CYFIP1: variants seen among roughly 807,000 people sequenced by gnomAD.
CYFIP1 encodes the protein cytoplasmic FMR1 interacting protein 1, also known as cytoplasmic FMR1-interacting protein 1.
A neutral mutation model predicts 163.5 loss-of-function variants in CYFIP1; 58 were observed. The observed-to-expected ratio is 0.35, with a 90% CI of 0.29 to 0.44. The LOEUF (loss-of-function observed/expected upper bound fraction) is 0.44, where lower values mean the gene tolerates loss of function less well. Ranked by LOEUF, CYFIP1 falls within the 20% of genes least tolerant of loss-of-function variation. The pLI, the probability that CYFIP1 is intolerant of heterozygous loss-of-function variation, is 1.00. For missense variants in CYFIP1, 1,338 were observed against 1,653.8 expected (o/e 0.81, Z 3.31); for synonymous variants, 663 against 660.7 (o/e 1.00, Z -0.05).
chr15:22,911,973 C>T (rs552199496), intron 18 of CYFIP1, among the ~76,000 whole-genome samples: 8 of 152,246 alleles, frequency 5.3e-5, no homozygotes, highest in East Asian at 3.9e-4. Context: ...ACACAGACAC[C>T]GCAGTGACAC....
At chr15:22,883,130 C>T in intron 23 of CYFIP1, 119 bp from the exon 24 acceptor site, 1 of 1,184,796 alleles carries the variant, frequency 8.4e-7, no homozygotes, top group Non-Finnish European at 1.2e-6. Context: ...AGTCTACTGA[C>T]TTGTAAAATC....
rs199514329 is a variant in CYFIP1, at chr15:22,905,761, T to TG, written c.2389-1857_2389-1856insC. Among the ~76,000 whole-genome samples, 343 of 151,650 alleles carry TG rather than the reference T, an allele frequency of 2.3e-3. 1 individual carries two copies. The highest frequency in any genetic ancestry group is 6.6e-3 in the East Asian group (34 of 5,128). ...AGCCTTCATTCTTATTTCTGTTTTT[T>TG]TTTTTGTTTTTGTTTTGAGACGGAG... On this transcript the variant is annotated intron_variant, in intron 21 of 30. Coordinates refer to ENST00000617928, the MANE Select transcript of CYFIP1 (RefSeq NM_014608.6).
rs113869401 is a variant in CYFIP1 at position 22,906,559 on chromosome 15, G to A, written c.2388+2635C>T. ...CGGCTCACTGCAACCTCCGCCTCCC[G>A]GGTTCACGCCATTCTCCTGCCTCAG... On this transcript the variant is annotated intron_variant, in intron 21 of 30. Transcript: ENST00000617928. Among the ~76,000 whole-genome samples the A allele has an allele frequency of 1.7e-4, 25 of 150,380 alleles. No individual in the cohort carries two copies. The East Asian group carries it at 3.3e-3, about 20-fold the overall frequency.
intron 26 of CYFIP1, 52 bp downstream of exon 26, chr15:22,879,861 G>T: frequency 7.2e-7 from 1 of 1,391,004 alleles, no homozygotes; most frequent in Non-Finnish European, 9.9e-7. Flanking sequence ...GGCCGGTGGG[G>T]TGGGGTGGGG....
intron 22 of CYFIP1, among the ~76,000 whole-genome samples, chr15:22,902,999 G>A (rs1421801281): frequency 6.6e-6 from 1 of 152,208 alleles, no homozygotes; most frequent in Non-Finnish European, 1.5e-5. Flanking sequence ...GAGATCAGAG[G>A]CAAGCACAAG....
intron 26 of CYFIP1, among the ~76,000 whole-genome samples, chr15:22,879,027 T>C (rs564831379): frequency 2.6e-5 from 4 of 152,044 alleles, no homozygotes; most frequent in Middle Eastern, 3.4e-3. Context: ...TCCCAGCTAC[T>C]TCTGAGGCGG....
chr15:22,941,092 G>T (rs554398649), intron 6 of CYFIP1, among the ~76,000 whole-genome samples: 1 of 152,242 alleles, frequency 6.6e-6, no homozygotes, highest in Admixed American at 6.5e-5. Flanking sequence ...GTCTCACTCT[G>T]TCACCCAGGC....
chr15:22,960,223 C>A (rs755598139), intron 1 of CYFIP1, among the ~76,000 whole-genome samples: 3 of 152,232 alleles, frequency 2.0e-5, no homozygotes, highest in Non-Finnish European at 4.4e-5. Context: ...ACTCGCCAAT[C>A]TCTATCAAGG....
intron 23 of CYFIP1, 38 bp downstream of exon 23, chr15:22,892,852 G>GAGCTTCA (rs758516682): frequency 6.8e-7 from 1 of 1,469,842 alleles, no homozygotes; most frequent in Non-Finnish European, 9.5e-7. Context: ...GCTTCATTAT[G>GAGCTTCA]AGCTTCAAGC....
intron 1 of CYFIP1, among the ~76,000 whole-genome samples, chr15:22,951,063 G>A (rs2062233139): frequency 6.6e-6 from 1 of 152,198 alleles, no homozygotes; most frequent in South Asian, 2.1e-4. Flanking sequence ...ACAGTCTCCA[G>A]GCTCAGGCAT....
chr15:22,914,889 G>A lies in CYFIP1; in HGVS notation c.1829-7C>T. The A allele has an allele frequency of 1.9e-6, 3 of 1,602,874 alleles. No homozygotes were observed. Among genetic ancestry groups the A allele is most frequent in the Non-Finnish European group, 2.6e-6 (3 of 1,175,606 alleles). ...CAGCACTGCTGCAGCGTTTCTGGGA[G>A]GGTTCAAACAACTCCATGTTATCTC... is the stretch of plus-strand genomic sequence containing the variant. On this transcript the variant is annotated splice_region_variant and splice_polypyrimidine_tract_variant and intron_variant, in intron 16 of 30. Coordinates refer to ENST00000617928, the MANE Select transcript of CYFIP1 (RefSeq NM_014608.6).
At chr15:22,944,363 C>T (rs990706985) in intron 5 of CYFIP1, among the ~76,000 whole-genome samples, 195 bp downstream of exon 5, 10 of 151,704 alleles carry the variant, frequency 6.6e-5, no homozygotes, top group Admixed American at 5.9e-4. Flanking sequence ...AAGTGAACCA[C>T]AAAAGGAGCG....
intron 13 of CYFIP1, among the ~76,000 whole-genome samples, chr15:22,923,329 G>A (rs572284220): frequency 6.6e-6 from 1 of 152,260 alleles, no homozygotes; most frequent in South Asian, 2.1e-4. Flanking sequence ...TCCAAATAAT[G>A]CACACAAATG....
Position 22,943,160 on chromosome 15 carries a change from G to T in CYFIP1, c.569+13C>A, listed in dbSNP as rs1490613525. 1 of 1,613,288 alleles carries T rather than the reference G, an allele frequency of 6.2e-7. No individual in the cohort carries two copies. Among genetic ancestry groups the T allele is most frequent in the Non-Finnish European group, 8.5e-7 (1 of 1,179,442 alleles). ...TCTCGGGAGGGCCCGCAGTGCGCGA[G>T]GTGGGTGCTCACCTCTTGTACGCTG... On this transcript the variant is annotated intron_variant, in intron 6 of 30. Coordinates refer to ENST00000617928, the MANE Select transcript of CYFIP1 (RefSeq NM_014608.6).
chr15:22,903,363 C>A (rs1326979732), intron 22 of CYFIP1, among the ~76,000 whole-genome samples: 1 of 152,186 alleles, frequency 6.6e-6, no homozygotes, highest in African/African-American at 2.4e-5. Flanking sequence ...TTCATGCTGT[C>A]CATGGGCGGT....
intron 23 of CYFIP1, among the ~76,000 whole-genome samples, chr15:22,883,948 A>G (rs933056549): frequency 2.0e-5 from 3 of 152,314 alleles, no homozygotes; most frequent in African/African-American, 7.2e-5. Context: ...AAGGCAGGAA[A>G]GATAAGAGAG....
In CYFIP1 at chr15:22,910,368, G is replaced by T. The variant is rs2060743703; in HGVS notation, c.2268+152C>A. The T allele has an allele frequency of 2.1e-5, 13 of 621,986 alleles. No individual in the cohort carries two copies. In the South Asian group the frequency reaches 2.5e-4, roughly 12 times the overall value. The allele number at this position is 621,986 out of a possible 1,614,324, so 38.5% of individuals were successfully genotyped here. A position where few individuals can be genotyped will look rare whatever the true frequency, so the allele number is the denominator to read the frequency against. The stretch of plus-strand genomic sequence containing the variant: ...GTAGAGATGGGGTTTTGCTATGTTG[G>T]CCAGGCTGGTCTTGAACTCCTAACC... On this transcript the variant is annotated intron_variant, in intron 20 of 30. Transcript: ENST00000617928.
intron 1 of CYFIP1, among the ~76,000 whole-genome samples, chr15:22,959,498 G>C (rs2062602015): frequency 6.6e-6 from 1 of 152,226 alleles, no homozygotes; most frequent in Non-Finnish European, 1.5e-5. Flanking sequence ...TGCCTCACGT[G>C]CCTCAGTGGC....
At chr15:22,937,253 G>C in intron 8 of CYFIP1, 45 bp from the exon 9 acceptor site, 3 of 1,152,908 alleles carry the variant, frequency 2.6e-6, no homozygotes, top group Non-Finnish European at 3.9e-6. Context: ...TCAGAACTGA[G>C]AATTTCACTA....
Sources: allele counts gnomAD v4.1 joint callset (sites outside exome capture counted in the v4.1 genomes callset), GRCh38; gene constraint gnomAD v4.1.1; transcripts MANE v1.5; gene names NCBI Gene and HGNC (gene_info 2026-07-23, HGNC 2026-07-21).